GALK2: variants seen among roughly 807,000 people sequenced by gnomAD.
GALK2 encodes the protein galactokinase 2.
A neutral mutation model predicts 52.4 loss-of-function variants in GALK2; 36 were observed. That is an observed-to-expected ratio of 0.69 (90% CI 0.53 to 0.91). The LOEUF (loss-of-function observed/expected upper bound fraction) is 0.91, where lower values mean the gene tolerates loss of function less well. Ranked by LOEUF, GALK2 falls within the 40% of genes least tolerant of loss-of-function variation. The pLI, the probability that GALK2 is intolerant of heterozygous loss-of-function variation, is 0.00. For synonymous variants in GALK2, 176 were observed against 199.1 expected (o/e 0.88, Z 0.98); for missense variants, 579 against 559.1 (o/e 1.04, Z -0.36).
intron 1 of GALK2, among the ~76,000 whole-genome samples, chr15:49,160,461 C>A (rs1456216788): frequency 6.6e-6 from 1 of 152,020 alleles, no homozygotes; most frequent in African/African-American, 2.4e-5. Flanking sequence ...CATTCAGAAA[C>A]CTATACTTGT....
chr15:49,247,680 G>A (rs551587944), intron 5 of GALK2, among the ~76,000 whole-genome samples: 4 of 152,302 alleles, frequency 2.6e-5, no homozygotes, highest in South Asian at 4.1e-4. Flanking sequence ...AGGAAGGAAA[G>A]GCTGGGAAAC....
chr15:49,278,034 G>A (rs538276992), intron 5 of GALK2, among the ~76,000 whole-genome samples: 8 of 151,798 alleles, frequency 5.3e-5, no homozygotes, highest in Admixed American at 3.9e-4. Flanking sequence ...AGGCCGAGGC[G>A]GGCAGATCAC....
At chr15:49,357,347 TAAAG>T (rs1258401478) in intron 3 of GALK2, among the ~76,000 whole-genome samples, 4 of 139,256 alleles carry the variant, frequency 2.9e-5, no homozygotes, top group Non-Finnish European at 4.8e-5. Flanking sequence ...GCAAGACTAA[TAAAG>T]AAAAAAAGAG....
chr15:49,365,735 G>T, intron 3 of GALK2: 1 of 884,558 alleles, frequency 1.1e-6, no homozygotes, highest in Non-Finnish European at 1.9e-6. Context: ...AAGATATCTT[G>T]TAAAATCCAA....
At chr15:49,215,251 T>C (rs966544336) in intron 2 of GALK2, among the ~76,000 whole-genome samples, 5 of 152,186 alleles carry the variant, frequency 3.3e-5, no homozygotes, top group Non-Finnish European at 5.9e-5. Flanking sequence ...TCTTATACCT[T>C]AATATTTATA....
At position 49,338,113 on chromosome 15, in the gene GALK2, G is replaced by T. The variant is rs543748071; in HGVS notation, c.426+18308G>T. On this transcript the variant is annotated intron_variant, in intron 3 of 3. Coordinates refer to the GALK2 transcript ENST00000558399. ...CCATTGTTGTGTCTTTTAATTGGGG[G>T]CATTTAGCCCATTTACATTTAAGGT... Among the ~76,000 whole-genome samples the T allele has an allele frequency of 2.7e-3, 417 of 152,224 alleles. 3 individuals carry two copies. The highest frequency in any genetic ancestry group is 9.8e-3 in the African/African-American group (409 of 41,528).
At position 49,277,486 on chromosome 15, in the gene GALK2, T is replaced by C. The variant is rs575479432; in HGVS notation, c.505-4501T>C. On this transcript the variant is annotated intron_variant, in intron 5 of 9. Coordinates refer to ENST00000560031, the MANE Select transcript of GALK2 (RefSeq NM_002044.4). ...CCCAGCTGTTTCTAGTTTCTTTATA[T>C]ATCATAACCATTTAGGATTTGACCT... 2.9e-4 allele frequency among the ~76,000 whole-genome samples: 42 copies of C among 145,318 alleles called. 1 individual carries two copies. Among genetic ancestry groups the C allele is most frequent in the African/African-American group, 1.1e-3 (42 of 39,726 alleles).
chr15:49,307,867 A>C (rs374271436), intron 8 of GALK2, among the ~76,000 whole-genome samples: 14 of 151,938 alleles, frequency 9.2e-5, no homozygotes, highest in African/African-American at 2.9e-4. Context: ...TTGAAAGTGC[A>C]TTTTTTTTCA....
intron 8 of GALK2, among the ~76,000 whole-genome samples, chr15:49,310,088 ATGAGCTCAGT>A: frequency 6.6e-6 from 1 of 152,050 alleles, no homozygotes; most frequent in East Asian, 1.9e-4. Context: ...CTTTACTTCC[ATGAGCTCAGT>A]TATTTTTAGC....
intron 8 of GALK2, chr15:49,318,877 TTC>T: frequency 2.3e-6 from 1 of 438,940 alleles, no homozygotes; most frequent in East Asian, 7.0e-5. Context: ...TCCTTCTCTT[TTC>T]TGTTAACAGG....
Position 49,342,622 on chromosome 15 carries a change from T to C in GALK2, c.426+22817T>C, listed in dbSNP as rs145340965. Among the ~76,000 whole-genome samples, 5 of 152,312 alleles carry C rather than the reference T, an allele frequency of 3.3e-5. No homozygotes were observed. In the East Asian group the frequency reaches 9.6e-4, roughly 29 times the overall value. On this transcript the variant is annotated intron_variant, in intron 3 of 3. Transcript: ENST00000558399. The stretch of plus-strand genomic sequence containing the variant: ...TTTCTATTGTGTCATTGGTTTATAG[T>C]ATCTGTGGCTATATATTCAAGGGTG...
At chr15:49,274,360 C>T (rs571551233) in intron 5 of GALK2, among the ~76,000 whole-genome samples, 1 of 152,160 alleles carries the variant, frequency 6.6e-6, no homozygotes, top group East Asian at 1.9e-4. Context: ...ATTTGTGTAG[C>T]TAAACATAAA....
intron 8 of GALK2, among the ~76,000 whole-genome samples, chr15:49,307,361 G>T (rs920704863): frequency 6.6e-6 from 1 of 152,134 alleles, no homozygotes; most frequent in Non-Finnish European, 1.5e-5. Context: ...GGAAAAATAC[G>T]CTAGATTTCG....
chr15:49,351,439 G>A (rs887252921), intron 3 of GALK2, among the ~76,000 whole-genome samples: 1 of 152,138 alleles, frequency 6.6e-6, no homozygotes, highest in Non-Finnish European at 1.5e-5. Context: ...GGACAATGTT[G>A]ATTTTTTTCT....
In GALK2 at chr15:49,256,140, G is replaced by A. The variant is rs574672284; in HGVS notation, c.504+16773G>A. On this transcript the variant is annotated intron_variant, in intron 5 of 9. Transcript: ENST00000560031. ...CTCCAAAGAAAATACCAAGCAACGC[G>A]AATTTGGTTTGACTAACAAATATTT... Among the ~76,000 whole-genome samples, 10 of 152,184 alleles carry A rather than the reference G, an allele frequency of 6.6e-5. 1 individual carries two copies. The South Asian group carries it at 1.7e-3, about 25-fold the overall frequency.
chr15:49,166,903 C>T (rs1948105271), upstream of GALK2, among the ~76,000 whole-genome samples: 1 of 152,114 alleles, frequency 6.6e-6, no homozygotes, highest in African/African-American at 2.4e-5. Context: ...ACAGATTAAA[C>T]CACAGAAATA....
intron 1 of GALK2, among the ~76,000 whole-genome samples, chr15:49,157,374 A>C (rs1005477414): frequency 6.6e-6 from 1 of 152,232 alleles, no homozygotes; most frequent in African/African-American, 2.4e-5. Context: ...AATCAATAAA[A>C]TCTAATTAAA....
intron 5 of GALK2, among the ~76,000 whole-genome samples, chr15:49,264,892 T>C (rs2141653728): frequency 6.6e-6 from 1 of 152,326 alleles, no homozygotes; most frequent in African/African-American, 2.4e-5. Context: ...ACAGCGGATT[T>C]TCGTGAACCG....
intron 8 of GALK2, among the ~76,000 whole-genome samples, chr15:49,301,986 C>T (rs2035154271): frequency 6.6e-6 from 1 of 152,170 alleles, no homozygotes; most frequent in Admixed American, 6.5e-5. Context: ...CATTTACACA[C>T]ACCTTCTAAT....
Sources: gnomAD v4.1 joint callset for allele counts (sites outside exome capture counted in the v4.1 genomes callset) on GRCh38, gnomAD v4.1.1 for gene constraint, MANE v1.5 for transcripts, NCBI Gene and HGNC (gene_info 2026-07-23, HGNC 2026-07-21) for gene names.